FRMD3: variants seen among roughly 807,000 people sequenced by gnomAD.
FRMD3 encodes FERM domain containing 3.
A neutral mutation model predicts 70.2 loss-of-function variants in FRMD3; 33 were observed. The ratio of observed to expected loss-of-function variants is 0.47; its 90% confidence interval spans 0.36 to 0.63. FRMD3 has a LOEUF of 0.63. FRMD3 is among the 20% of genes least tolerant of loss of function. FRMD3 has a pLI of 0.00. For missense variants in FRMD3, 632 were observed against 711.4 expected (o/e 0.89, Z 1.27); for synonymous variants, 279 against 255.9 (o/e 1.09, Z -0.86).
At chr9:83,530,109 C>T (rs1829764531) in intron 1 of FRMD3, among the ~76,000 whole-genome samples, 1 of 152,150 alleles carries the variant, frequency 6.6e-6, no homozygotes, top group South Asian at 2.1e-4. Flanking sequence ...CACAGAGTTA[C>T]CATATGACTA....
intron 1 of FRMD3, among the ~76,000 whole-genome samples, chr9:83,446,878 G>A (rs752885906): frequency 6.6e-6 from 1 of 152,044 alleles, no homozygotes; most frequent in Non-Finnish European, 1.5e-5. Flanking sequence ...ATTTATAATC[G>A]AGTATATGTG....
chr9:83,492,512 C>G (rs549823292), intron 1 of FRMD3, among the ~76,000 whole-genome samples: 1 of 152,182 alleles, frequency 6.6e-6, no homozygotes, highest in Non-Finnish European at 1.5e-5. Flanking sequence ...ACCTCCTTTC[C>G]GCCCGTGCTC....
the FRMD3 span, among the ~76,000 whole-genome samples, chr9:83,576,197 G>A: frequency 3.9e-5 from 6 of 152,042 alleles, no homozygotes; most frequent in African/African-American, 7.2e-5. Context: ...TAATCACCAT[G>A]GCCAAGTAGA....
At chr9:83,434,853 G>T (rs1327344158) in intron 1 of FRMD3, among the ~76,000 whole-genome samples, 5 of 126,716 alleles carry the variant, frequency 3.9e-5, no homozygotes, top group South Asian at 2.5e-4. Context: ...TTGAGACAGG[G>T]TCTGGCTCTG....
intron 1 of FRMD3, among the ~76,000 whole-genome samples, chr9:83,463,826 T>C (rs4877774): frequency 0.38 from 58,197 of 152,076 alleles, 11,661 homozygotes; most frequent in Middle Eastern, 0.49. Context: ...CCCTTGCCCA[T>C]TGATGGCCAG....
intron 2 of FRMD3, among the ~76,000 whole-genome samples, chr9:83,376,125 A>C (rs1020928124): frequency 6.7e-6 from 1 of 149,188 alleles, no homozygotes; most frequent in African/African-American, 2.5e-5. Flanking sequence ...GCGCCATTGC[A>C]CTCCAGCCTG....
At chr9:83,413,088 A>C (rs931976628) in intron 1 of FRMD3, among the ~76,000 whole-genome samples, 4 of 152,206 alleles carry the variant, frequency 2.6e-5, no homozygotes, top group Admixed American at 2.6e-4. Context: ...CATTTGGAAG[A>C]TATTCTTCAC....
Position 83,476,383 on chromosome 9 carries a change from C to CAA in FRMD3, c.147+61700_147+61701dup, listed in dbSNP as rs35937281. Among the ~76,000 whole-genome samples, 534 of 113,984 alleles carry CAA rather than the reference C, an allele frequency of 4.7e-3. 3 individuals carry two copies. The highest frequency in any genetic ancestry group is 0.011 in the South Asian group (32 of 2,926). 74.8% of individuals were successfully genotyped at this position (113,984 alleles called of 152,430 possible). ...TAGGAGACAGAGCAAGACTCTCTCTCAAAAAAAAAAAAAAAAGGATATGTT... is the reference window on the plus strand; with the variant it reads ...TAGGAGACAGAGCAAGACTCTCTCTCAAAAAAAAAAAAAAAAAAGGATATGTT... On this transcript the variant is annotated intron_variant, in intron 1 of 13. Coordinates refer to ENST00000304195, the MANE Select transcript of FRMD3 (RefSeq NM_174938.6).
At chr9:83,467,358 G>A (rs1828155467) in intron 1 of FRMD3, among the ~76,000 whole-genome samples, 1 of 152,142 alleles carries the variant, frequency 6.6e-6, no homozygotes, top group Admixed American at 6.5e-5. Context: ...AAAGGGATTT[G>A]GAGAAATGTT....
intron 3 of FRMD3, chr9:83,350,630 A>AC (rs1824119040): frequency 2.2e-6 from 1 of 445,048 alleles, no homozygotes; most frequent in Admixed American, 6.5e-5. Flanking sequence ...TCTCAAAAAA[A>AC]AAAAAAAAGA....
upstream of FRMD3, among the ~76,000 whole-genome samples, chr9:83,543,267 A>C (rs1013788097): frequency 1.3e-5 from 2 of 151,686 alleles, no homozygotes; most frequent in African/African-American, 2.4e-5. Flanking sequence ...AAAAAGGAGG[A>C]GGCAAGAATT....
intron 13 of FRMD3, among the ~76,000 whole-genome samples, chr9:83,284,062 T>G (rs991642201): frequency 8.0e-4 from 3 of 3,744 alleles, no homozygotes; most frequent in African/African-American, 1.0e-3. Context: ...TAGGATGTTA[T>G]TTTTTTTTTT....
chr9:83,562,455 T>A, the FRMD3 span, among the ~76,000 whole-genome samples: 1 of 152,298 alleles, frequency 6.6e-6, no homozygotes, highest in African/African-American at 2.4e-5. Context: ...TGGGAGATGA[T>A]CTGAAAGCTT....
At chr9:83,286,557 C>T (rs1834222133) in intron 13 of FRMD3, among the ~76,000 whole-genome samples, 1 of 152,194 alleles carries the variant, frequency 6.6e-6, no homozygotes, top group South Asian at 2.1e-4. Flanking sequence ...GTCTCGAACT[C>T]CTGACCTCAG....
intron 6 of FRMD3, among the ~76,000 whole-genome samples, chr9:83,317,131 A>T (rs1376855838): frequency 6.7e-6 from 1 of 148,690 alleles, no homozygotes; most frequent in Non-Finnish European, 1.5e-5. Context: ...ATCCTGTCTT[A>T]AAAAAAAAAT....
intron 1 of FRMD3, among the ~76,000 whole-genome samples, chr9:83,490,784 TCTCTCTCTCTCTCTCACA>T (rs1295033910): frequency 4.7e-5 from 6 of 128,578 alleles, no homozygotes; most frequent in African/African-American, 2.0e-4. Flanking sequence ...TCTCTCTCTC[TCTCTCTCTCTCTCTCACA>T]CACACACACA....
chr9:83,389,401 A>G (rs1825601827), intron 2 of FRMD3, among the ~76,000 whole-genome samples: 1 of 152,136 alleles, frequency 6.6e-6, no homozygotes, highest in South Asian at 2.1e-4. Flanking sequence ...AGCCTTCTGG[A>G]AAGGCCTAGG....
chr9:83,492,207 T>C (rs1828842657), intron 1 of FRMD3, among the ~76,000 whole-genome samples: 1 of 152,160 alleles, frequency 6.6e-6, no homozygotes, highest in Admixed American at 6.5e-5. Context: ...GAAAGCCTCT[T>C]TCCACTAGAA....
In FRMD3 at chr9:83,244,680, T is replaced by C. The variant is rs1832003772; in HGVS notation, c.*3238A>G. 5.1e-6 allele frequency: 5 copies of C among 985,010 alleles called. No individual in the cohort carries two copies. In the Admixed American group the frequency reaches 3.1e-4, roughly 61 times the overall value. The allele number at this position is 985,010 out of a possible 1,614,324, so 61.0% of individuals were successfully genotyped here. A position where few individuals can be genotyped will look rare whatever the true frequency, so the allele number is the denominator to read the frequency against. On this transcript the variant is annotated 3_prime_UTR_variant, in exon 14 of 14. Transcript: ENST00000304195. ...GCCACCATATTAACATATAAAACAA[T>C]CTGGATGTTGACATAGAAATGCAAA...
Sources: allele counts gnomAD v4.1 joint callset (sites outside exome capture counted in the v4.1 genomes callset), GRCh38; gene constraint gnomAD v4.1.1; transcripts MANE v1.5; gene names NCBI Gene and HGNC (gene_info 2026-07-23, HGNC 2026-07-21).